GFPT1: variants seen among roughly 807,000 people sequenced by gnomAD.
GFPT1 encodes the protein glutamine--fructose-6-phosphate transaminase 1, also known as glutamine--fructose-6-phosphate aminotransferase [isomerizing] 1.
In GFPT1, 40 loss-of-function variants were observed where a neutral mutation model predicts 92.0. The observed-to-expected ratio is 0.43, with a 90% CI of 0.34 to 0.57. The LOEUF is 0.57. GFPT1 is among the 20% of genes least tolerant of loss of function. The pLI is 0.02. For missense variants in GFPT1, 448 were observed against 869.1 expected (o/e 0.52, Z 6.09); for synonymous variants, 269 against 280.6 (o/e 0.96, Z 0.41).
intron 11 of GFPT1, among the ~76,000 whole-genome samples, chr2:69,346,812 C>G (rs1307276776): frequency 6.6e-6 from 1 of 152,014 alleles, no homozygotes; most frequent in African/African-American, 2.4e-5. Context: ...TCACTGCAGC[C>G]TCAATCTCCT....
chr2:69,329,185 C>T (rs994443319), intron 17 of GFPT1, 112 bp downstream of exon 17: 1 of 1,073,444 alleles, frequency 9.3e-7, no homozygotes, highest in African/African-American at 1.6e-5. Context: ...TGCATAAATA[C>T]AGAAGCACTT....
intron 2 of GFPT1, among the ~76,000 whole-genome samples, chr2:69,370,871 A>G (rs890403701): frequency 1.3e-5 from 2 of 151,822 alleles, no homozygotes; most frequent in Non-Finnish European, 2.9e-5. Context: ...CAGAGTGGGC[A>G]TGCCTGTAAT....
chr2:69,342,475 C>T (rs1458423815), intron 12 of GFPT1, among the ~76,000 whole-genome samples: 8 of 152,248 alleles, frequency 5.3e-5, no homozygotes, highest in South Asian at 2.1e-4. Context: ...CACCTCTCTA[C>T]ATCCCCACAC....
At chr2:69,375,676 C>T (rs150677190) in intron 1 of GFPT1, among the ~76,000 whole-genome samples, 144 of 152,224 alleles carry the variant, frequency 9.5e-4, no homozygotes, top group African/African-American at 3.4e-3. Context: ...TTTTTTTAAG[C>T]TTTCCTGTAA....
Position 69,324,984 on chromosome 2 carries a change from T to C in GFPT1, c.*1205A>G, listed in dbSNP as rs948216223. ...TATTTATATCTTCTTTATTCCTAAA[T>C]ATATTTCAGGGGTAGAGCACAGAAA... On this transcript the variant is annotated 3_prime_UTR_variant, in exon 20 of 20. Coordinates refer to ENST00000357308, the MANE Select transcript of GFPT1 (RefSeq NM_001244710.2). 3.9e-5 allele frequency: 6 copies of C among 152,194 alleles called. No homozygotes were observed. Among genetic ancestry groups the C allele is most frequent in the African/African-American group, 1.4e-4 (6 of 41,462 alleles). 9.4% of individuals were successfully genotyped at this position (152,194 alleles called of 1,614,324 possible).
chr2:69,346,464 T>C (rs2104632242), intron 11 of GFPT1, among the ~76,000 whole-genome samples: 1 of 152,220 alleles, frequency 6.6e-6, no homozygotes, highest in Non-Finnish European at 1.5e-5. Context: ...GGTCTCGAAC[T>C]CCTGACCTCA....
At chr2:69,376,161 A>G (rs1159129603) in intron 1 of GFPT1, among the ~76,000 whole-genome samples, 1 of 152,258 alleles carries the variant, frequency 6.6e-6, no homozygotes, top group Non-Finnish European at 1.5e-5. Flanking sequence ...AAGTATTTTA[A>G]CCAGGTCATT....
chr2:69,355,078 GTTTA>G (rs1429368456), intron 7 of GFPT1, among the ~76,000 whole-genome samples: 2 of 151,784 alleles, frequency 1.3e-5, no homozygotes, highest in African/African-American at 2.4e-5. Context: ...AACGGTTTTT[GTTTA>G]TTTGTTTGTT....
intron 3 of GFPT1, among the ~76,000 whole-genome samples, chr2:69,364,736 C>T (rs1164792643): frequency 6.6e-6 from 1 of 152,198 alleles, no homozygotes; most frequent in Non-Finnish European, 1.5e-5. Context: ...GTGGCTCATG[C>T]CTGTAATCCC....
chr2:69,349,930 CCCATCT>C, intron 10 of GFPT1, 142 bp downstream of exon 10: 1 of 679,218 alleles, frequency 1.5e-6, no homozygotes, highest in Non-Finnish European at 2.7e-6. Flanking sequence ...TCCTTACAGC[CCCATCT>C]CCAAAATGGT....
At chr2:69,354,396 A>G in intron 8 of GFPT1, 84 bp from the exon 9 acceptor site, 1 of 1,286,938 alleles carries the variant, frequency 7.8e-7, no homozygotes, top group Admixed American at 1.7e-5. Flanking sequence ...AGAACTATAT[A>G]TACATGTGCA....
At chr2:69,369,375 A>AT (rs985282624) in intron 3 of GFPT1, among the ~76,000 whole-genome samples, 1 of 152,122 alleles carries the variant, frequency 6.6e-6, no homozygotes, top group Admixed American at 6.5e-5. Context: ...TTTTAAAAAT[A>AT]TTTTTTCAAT....
At position 69,354,324 on chromosome 2, in the gene GFPT1, C is replaced by G; in HGVS notation, c.686-12G>C. ...AATCTGAGTCCTAGCTAAGGATACA[C>G]AACAGAAAAAAATTCTAATCATCAG... On this transcript the variant is annotated splice_polypyrimidine_tract_variant and intron_variant, in intron 8 of 19. Transcript: ENST00000357308. The G allele has an allele frequency of 6.3e-7, 1 of 1,585,068 alleles. No homozygotes were observed. The highest frequency in any genetic ancestry group is 8.6e-7 in the Non-Finnish European group (1 of 1,169,548).
rs1310657168 is a variant in GFPT1 at position 69,327,048 on chromosome 2, CCTT to C, written c.1918_1920del (p.Lys640del). ...GTGTTCTTAATGGTCTCAGTATCCTCCTTATCACAAATTACCACAGGCCGCCCC... is the reference window on the plus strand; with the variant it reads ...GTGTTCTTAATGGTCTCAGTATCCTCATCACAAATTACCACAGGCCGCCCC... On this transcript the variant is annotated inframe_deletion, in exon 19 of 20. Coordinates refer to ENST00000357308, the MANE Select transcript of GFPT1 (RefSeq NM_001244710.2). The C allele has an allele frequency of 1.9e-6, 3 of 1,614,096 alleles. No homozygotes were observed. The highest frequency in any genetic ancestry group is 1.7e-6 in the Non-Finnish European group (2 of 1,179,974).
intron 19 of GFPT1, 86 bp from the exon 20 acceptor site, chr2:69,326,319 G>T (rs1381572132): frequency 1.6e-5 from 13 of 818,588 alleles, no homozygotes; most frequent in Admixed American, 4.2e-5. Context: ...AATTATTTTT[G>T]TTTATAAAAA....
rs75235228 is a variant in GFPT1, at chr2:69,340,897, C to T, written c.1203+1255G>A. 6.2e-3 allele frequency among the ~76,000 whole-genome samples: 944 copies of T among 152,184 alleles called. 21 individuals carry two copies. The East Asian group carries it at 0.066, about 11-fold the overall frequency. On this transcript the variant is annotated intron_variant, in intron 13 of 19. Coordinates refer to ENST00000357308, the MANE Select transcript of GFPT1 (RefSeq NM_001244710.2). ...AAATTTTCTATTTCTGAATACAGGG[C>T]TCATTCAGTAATAGATCTAAGCCAC...
chr2:69,338,566 C>G lies in GFPT1; in HGVS notation c.1204-1G>C, dbSNP rs2104617290. ...TCAGCTCCTCAAGAACTTGACGTGT[C>G]TGCAGAGAAAATATGACTTGGTCAC... On this transcript the variant is annotated splice_acceptor_variant, in intron 13 of 19. Transcript: ENST00000357308. LOFTEE classifies it high-confidence loss of function. 6.2e-7 allele frequency: 1 copy of G among 1,614,012 alleles called. No individual in the cohort carries two copies. The highest frequency in any genetic ancestry group is 1.7e-5 in the Admixed American group (1 of 60,026).
intron 10 of GFPT1, among the ~76,000 whole-genome samples, chr2:69,348,851 CAG>C (rs1224766581): frequency 2.6e-5 from 4 of 152,166 alleles, no homozygotes; most frequent in African/African-American, 7.2e-5. Flanking sequence ...CTTTGGCTCT[CAG>C]AGAGACAACA....
At chr2:69,381,439 C>A (rs575880810) in intron 1 of GFPT1, among the ~76,000 whole-genome samples, 51 of 152,216 alleles carry the variant, frequency 3.4e-4, no homozygotes, top group African/African-American at 1.2e-3. Flanking sequence ...CTGCCCCTCA[C>A]CCATCTTCTT....
Sources: gnomAD v4.1 joint callset for allele counts (sites outside exome capture counted in the v4.1 genomes callset) on GRCh38, gnomAD v4.1.1 for gene constraint, MANE v1.5 for transcripts, NCBI Gene and HGNC (gene_info 2026-07-23, HGNC 2026-07-21) for gene names.